Variants in VIPR2 observed in about 807,000 individuals in gnomAD.
VIPR2 encodes the protein vasoactive intestinal polypeptide receptor 2.
A neutral mutation model predicts 58.0 loss-of-function variants in VIPR2; 48 were observed. The observed-to-expected ratio is 0.83, with a 90% CI of 0.66 to 1.05. The LOEUF (loss-of-function observed/expected upper bound fraction) is 1.05. VIPR2 is among the 50% of genes least tolerant of loss of function. The pLI is 0.00. For missense variants in VIPR2, 534 were observed against 558.0 expected, an observed-to-expected ratio of 0.96 and a Z score of 0.43; for synonymous variants, 243 against 235.2, an observed-to-expected ratio of 1.03 and a Z score of -0.30.
At chr7:159,112,309 A>T (rs983172487) in intron 2 of VIPR2, among the ~76,000 whole-genome samples, 6 of 152,216 alleles carry the variant, frequency 3.9e-5, no homozygotes, top group Non-Finnish European at 7.3e-5. Flanking sequence ...AGCGGACTCG[A>T]GGGCGTCAGG....
chr7:159,104,190 C>T (rs1402861559), intron 3 of VIPR2, among the ~76,000 whole-genome samples: 1 of 152,186 alleles, frequency 6.6e-6, no homozygotes, highest in African/African-American at 2.4e-5. Flanking sequence ...ATATTTATAG[C>T]CAAGCCCTGG....
chr7:159,040,016 G>A (rs1226069709), intron 6 of VIPR2, among the ~76,000 whole-genome samples: 2 of 152,234 alleles, frequency 1.3e-5, no homozygotes, highest in Admixed American at 6.5e-5. Flanking sequence ...GGAGCAAAGA[G>A]GACGCAGGAA....
chr7:159,036,914 A>G lies in VIPR2; in HGVS notation c.598-12T>C. On this transcript the variant is annotated splice_polypyrimidine_tract_variant and intron_variant, in intron 6 of 12. Coordinates refer to ENST00000262178, the MANE Select transcript of VIPR2 (RefSeq NM_003382.5). ...AGCTTGCAGCCCACCTGGAAACCGC[A>G]AACAGAGGAGAGGAAAGCATGACCT... The G allele has an allele frequency of 6.2e-7, 1 of 1,609,588 alleles. No individual in the cohort carries two copies. The highest frequency in any genetic ancestry group is 8.5e-7 in the Non-Finnish European group (1 of 1,176,806).
chr7:159,033,855 G>A (rs1420048307), intron 10 of VIPR2, among the ~76,000 whole-genome samples: 1 of 152,200 alleles, frequency 6.6e-6, no homozygotes, highest in Admixed American at 6.5e-5. Flanking sequence ...AAGTTCACTG[G>A]AGAGGACTTT....
At chr7:159,041,393 C>T (rs571218899) in intron 6 of VIPR2, among the ~76,000 whole-genome samples, 22 of 152,324 alleles carry the variant, frequency 1.4e-4, no homozygotes, top group Admixed American at 5.2e-4. Context: ...CTCCAGGGTC[C>T]GCTGGGGTCC....
At chr7:159,120,090 G>A (rs1456139552) in intron 2 of VIPR2, among the ~76,000 whole-genome samples, 1 of 152,194 alleles carries the variant, frequency 6.6e-6, no homozygotes, top group African/African-American at 2.4e-5. Flanking sequence ...ACCTCTGCAG[G>A]GGCACCTCCT....
rs1854002022 is a variant in VIPR2 at position 159,036,904 on chromosome 7, T to C, written c.598-2A>G. 2 of 1,610,304 alleles carry C rather than the reference T, an allele frequency of 1.2e-6. No homozygotes were observed. The highest frequency in any genetic ancestry group is 1.7e-6 in the Non-Finnish European group (2 of 1,177,472). ...GACCAGGCTCAGCTTGCAGCCCACC[T>C]GGAAACCGCAAACAGAGGAGAGGAA... On this transcript the variant is annotated splice_acceptor_variant, in intron 6 of 12. Transcript: ENST00000262178. LOFTEE classifies it high-confidence loss of function.
At position 159,095,420 on chromosome 7, in the gene VIPR2, A is replaced by C. The variant is rs575651023; in HGVS notation, c.357+8337T>G. 6.6e-6 allele frequency among the ~76,000 whole-genome samples: 1 copy of C among 152,300 alleles called. No individual in the cohort carries two copies. Among genetic ancestry groups the C allele is most frequent in the African/African-American group, 2.4e-5 (1 of 41,562 alleles). On this transcript the variant is annotated intron_variant, in intron 4 of 12. Transcript: ENST00000262178. This position sits in a 1 kb window ranked among gnomAD's most constrained non-coding sequence, Gnocchi z 5.2. ...GAACCTGGCCCTGTTCTTGCAACTA[A>C]CTTCAAAACAGCTGCTAAGAAAGAT...
intron 4 of VIPR2, chr7:159,059,212 GA>G: frequency 1.3e-5 from 6 of 470,834 alleles, no homozygotes; most frequent in South Asian, 9.3e-5. Flanking sequence ...TGACAACAGG[GA>G]ATCCTACACA....
rs558631885 is a variant in VIPR2, at chr7:159,097,033, G to A, written c.357+6724C>T. 744 of 1,549,678 alleles carry A rather than the reference G, an allele frequency of 4.8e-4. 1 individual carries two copies. Among genetic ancestry groups the A allele is most frequent in the Non-Finnish European group, 5.9e-4 (680 of 1,146,394 alleles). Reference sequence around the variant, plus strand: ...TCTCAGAGGTGATTTGGGGCAGGCCGCTCTGGGGGTCTCTGGCAGGCTCCT... The same window carrying A: ...TCTCAGAGGTGATTTGGGGCAGGCCACTCTGGGGGTCTCTGGCAGGCTCCT... On this transcript the variant is annotated intron_variant, in intron 4 of 12. Coordinates refer to ENST00000262178, the MANE Select transcript of VIPR2 (RefSeq NM_003382.5). This position sits in a 1 kb window ranked among gnomAD's most constrained non-coding sequence, Gnocchi z 5.3.
chr7:159,064,400 G>C (rs966716866), intron 4 of VIPR2, among the ~76,000 whole-genome samples: 1 of 152,142 alleles, frequency 6.6e-6, no homozygotes, highest in Non-Finnish European at 1.5e-5. Flanking sequence ...ATGCAGGAAG[G>C]GATGGAGACG....
At chr7:159,121,214 A>G (rs1796443863) in intron 2 of VIPR2, among the ~76,000 whole-genome samples, 1 of 134,030 alleles carries the variant, frequency 7.5e-6, no homozygotes, top group African/African-American at 2.8e-5. Context: ...TGCTGTTCTG[A>G]TTCCTCCTTC....
At chr7:159,084,213 G>A (rs143898440) in intron 4 of VIPR2, among the ~76,000 whole-genome samples, 67 of 152,398 alleles carry the variant, frequency 4.4e-4, no homozygotes, top group Non-Finnish European at 7.3e-4. Context: ...AGGGGCAAAG[G>A]CCATGCCTCT....
At chr7:159,050,908 A>G (rs1405234540) in intron 5 of VIPR2, among the ~76,000 whole-genome samples, 1 of 152,248 alleles carries the variant, frequency 6.6e-6, no homozygotes, top group Non-Finnish European at 1.5e-5. Context: ...TCAAAGGAAC[A>G]ATGGTGCACT....
In VIPR2 at chr7:159,144,717, T is replaced by C; in HGVS notation, c.51+4A>G. ...CGTGGGGCGGGGGTCGCGGGCGCAC[T>C]CACGGGGGCGAGCAGCCAGCAGGTC... On this transcript the variant is annotated splice_donor_region_variant and intron_variant, in intron 1 of 12. Coordinates refer to ENST00000262178, the MANE Select transcript of VIPR2 (RefSeq NM_003382.5). 7.5e-7 allele frequency: 1 copy of C among 1,326,296 alleles called. No individual in the cohort carries two copies. The allele number at this position is 1,326,296 out of a possible 1,614,324, so 82.2% of individuals were successfully genotyped here. A position where few individuals can be genotyped will look rare whatever the true frequency, so the allele number is the denominator to read the frequency against.
intron 2 of VIPR2, among the ~76,000 whole-genome samples, chr7:159,132,914 A>ATTGATTTTAGACAGAATGATTGGCATACC (rs1797016696): frequency 2.3e-5 from 1 of 43,474 alleles, no homozygotes; most frequent in Admixed American, 2.5e-4. Context: ...ATTGGCATAC[A>ATTGATTTTAGACAGAATGATTGGCATACC]GATTGATTTC....
intron 2 of VIPR2, among the ~76,000 whole-genome samples, chr7:159,132,543 C>G (rs1304833335): frequency 3.3e-5 from 5 of 152,290 alleles, no homozygotes; most frequent in Non-Finnish European, 7.3e-5. Flanking sequence ...CTGGGACACC[C>G]CATCTGGAAC....
intron 2 of VIPR2, among the ~76,000 whole-genome samples, chr7:159,133,417 A>G: frequency 6.6e-6 from 1 of 152,298 alleles, no homozygotes; most frequent in African/African-American, 2.4e-5. Context: ...AAATGCAGGC[A>G]TCTGGGAAAT....
intron 4 of VIPR2, 32 bp downstream of exon 4, chr7:159,103,725 C>A: frequency 6.4e-7 from 1 of 1,566,218 alleles, no homozygotes; most frequent in Non-Finnish European, 8.8e-7. Flanking sequence ...GGAAGTGGAA[C>A]CTCACCACCG....
Sources: gnomAD v4.1 joint callset for allele counts (sites outside exome capture counted in the v4.1 genomes callset) on GRCh38, gnomAD v4.1.1 for gene constraint, Gnocchi (gnomAD v3.1) non-coding constraint, MANE v1.5 for transcripts, NCBI Gene and HGNC (gene_info 2026-07-23, HGNC 2026-07-21) for gene names.